ATOSA: variants seen among roughly 807,000 people sequenced by gnomAD.
The protein encoded by ATOSA is atos homolog protein A.
At chr15:52,663,849 C>T in the ATOSA span, among the ~76,000 whole-genome samples, 4 of 152,012 alleles carry the variant, frequency 2.6e-5, no homozygotes, top group African/African-American at 9.7e-5. Flanking sequence ...TCATCTTGAA[C>T]TCCTGGGCTC....
the ATOSA span, among the ~76,000 whole-genome samples, chr15:52,603,828 G>A: frequency 6.6e-6 from 1 of 152,148 alleles, no homozygotes; most frequent in Non-Finnish European, 1.5e-5. Context: ...CAGAGGCTTG[G>A]AAGAGTTGTG....
the ATOSA span, among the ~76,000 whole-genome samples, chr15:52,599,687 G>T: frequency 6.6e-6 from 1 of 152,066 alleles, no homozygotes; most frequent in South Asian, 2.1e-4. Flanking sequence ...AAATAACCTT[G>T]TTACTTTAGA....
the ATOSA span, chr15:52,601,286 T>C: frequency 1.6e-6 from 1 of 607,054 alleles, no homozygotes; most frequent in Non-Finnish European, 2.9e-6. Context: ...ACTTCTCCTA[T>C]AATAGCTTAT....
the ATOSA span, among the ~76,000 whole-genome samples, chr15:52,645,511 G>A: frequency 6.6e-6 from 1 of 152,118 alleles, no homozygotes; most frequent in Non-Finnish European, 1.5e-5. Context: ...GGTGCTATGG[G>A]AATATTTAGG....
At chr15:52,651,837 A>C in the ATOSA span, 1 of 1,533,590 alleles carries the variant, frequency 6.5e-7, no homozygotes, top group Middle Eastern at 1.7e-4. Flanking sequence ...GAAGCTTAAA[A>C]ATAAAGCCGT....
chr15:52,658,472 T>A, the ATOSA span: 1 of 348,494 alleles, frequency 2.9e-6, no homozygotes, highest in African/African-American at 2.1e-5. Context: ...GTTTTCACCA[T>A]TTTAGACCAG....
chr15:52,661,275 A>G, the ATOSA span, among the ~76,000 whole-genome samples: 3 of 152,244 alleles, frequency 2.0e-5, no homozygotes, highest in African/African-American at 7.2e-5. Context: ...CAATGTCAAA[A>G]TATAATCACC....
At chr15:52,637,750 A>C in the ATOSA span, among the ~76,000 whole-genome samples, 1,571 of 152,308 alleles carry the variant, frequency 0.01, 26 homozygotes, top group African/African-American at 0.037. Context: ...TTTAAAAGTC[A>C]CTTAGTAGAA....
chr15:52,648,430 A>T, the ATOSA span, among the ~76,000 whole-genome samples: 2 of 152,158 alleles, frequency 1.3e-5, no homozygotes, highest in East Asian at 1.9e-4. Flanking sequence ...GGGTAACTGG[A>T]ATATCCATCA....
chr15:52,708,233 C>T, the ATOSA span, among the ~76,000 whole-genome samples: 1 of 152,174 alleles, frequency 6.6e-6, no homozygotes, highest in Admixed American at 6.5e-5. Context: ...TCCAGAGCCA[C>T]TCTCCTCTCT....
chr15:52,672,741 T>C, the ATOSA span, among the ~76,000 whole-genome samples: 1 of 152,246 alleles, frequency 6.6e-6, no homozygotes, highest in Non-Finnish European at 1.5e-5. Flanking sequence ...ACTCTCCTTA[T>C]ATACACATTT....
the ATOSA span, chr15:52,593,324 C>G: frequency 2.6e-6 from 1 of 387,744 alleles, no homozygotes; most frequent in Admixed American, 4.3e-5. Context: ...ATTACAGTGT[C>G]ACTAATCAAT....
the ATOSA span, among the ~76,000 whole-genome samples, chr15:52,706,287 G>A: frequency 6.6e-6 from 1 of 152,132 alleles, no homozygotes; most frequent in Non-Finnish European, 1.5e-5. Context: ...CAATGAAGGG[G>A]GAGAAAGAAC....
At chr15:52,600,651 C>T in the ATOSA span, among the ~76,000 whole-genome samples, 1 of 152,060 alleles carries the variant, frequency 6.6e-6, no homozygotes, top group African/African-American at 2.4e-5. Flanking sequence ...CACATAGTGG[C>T]ATCTACTGGA....
the ATOSA span, among the ~76,000 whole-genome samples, chr15:52,632,427 G>C: frequency 2.6e-5 from 4 of 152,106 alleles, no homozygotes; most frequent in Non-Finnish European, 5.9e-5. Context: ...CTTTTCTATG[G>C]AACTGTGATG....
the ATOSA span, among the ~76,000 whole-genome samples, chr15:52,633,810 T>C: frequency 1.3e-5 from 2 of 152,066 alleles, no homozygotes; most frequent in East Asian, 1.9e-4. Flanking sequence ...CAAAATCATA[T>C]AGGTAAATAT....
chr15:52,695,754 C>T, the ATOSA span, among the ~76,000 whole-genome samples: 5 of 151,974 alleles, frequency 3.3e-5, no homozygotes, highest in African/African-American at 7.3e-5. Context: ...TCAGGGTAGG[C>T]GTCATTGGAA....
chr15:52,592,020 C>G, the ATOSA span, among the ~76,000 whole-genome samples: 33 of 152,306 alleles, frequency 2.2e-4, no homozygotes, highest in African/African-American at 7.7e-4. Context: ...AAAATCTTCA[C>G]CCTTAGAATG....
At chr15:52,629,209 A>C in the ATOSA span, among the ~76,000 whole-genome samples, 1 of 152,194 alleles carries the variant, frequency 6.6e-6, no homozygotes, top group Non-Finnish European at 1.5e-5. Context: ...AGACGTTTTA[A>C]GAGCAGTTTT....
Sources: gnomAD v4.1 joint callset for allele counts (sites outside exome capture counted in the v4.1 genomes callset) on GRCh38, gnomAD v4.1.1 for gene constraint, MANE v1.5 for transcripts, NCBI Gene and HGNC (gene_info 2026-07-23, HGNC 2026-07-21) for gene names.